DPP10: variants seen among roughly 807,000 people sequenced by gnomAD.
DPP10 encodes dipeptidyl peptidase like 10.
Under a neutral mutation model 120.9 loss-of-function variants are expected in DPP10, and 33 were observed. That is an observed-to-expected ratio of 0.27 (90% CI 0.21 to 0.37). The LOEUF is 0.37. Among genes scored for constraint, DPP10 ranks in the 10% least tolerant of loss-of-function variants. The pLI is 1.00. For synonymous variants in DPP10, 337 were observed against 326.1 expected (o/e 1.03, Z -0.36); for missense variants, 816 against 942.8 (o/e 0.87, Z 1.76).
At chr2:115,690,539 A>G (rs994430869) in intron 7 of DPP10, among the ~76,000 whole-genome samples, 1 of 152,094 alleles carries the variant, frequency 6.6e-6, no homozygotes, top group Non-Finnish European at 1.5e-5. Flanking sequence ...CAGCCTCCTG[A>G]GTACTTGGGA....
rs369182813 is a variant in DPP10, at chr2:115,038,332, G to A, written c.61-270907G>A. ...GTTGCCCAGGCTGGAGTGCAGTGGC[G>A]CCATCTTGGCTCATTGCAAGCTCCG... On this transcript the variant is annotated intron_variant, in intron 1 of 25. Transcript: ENST00000410059. Among the ~76,000 whole-genome samples, 93 of 151,706 alleles carry A rather than the reference G, an allele frequency of 6.1e-4. 1 individual carries two copies. The East Asian group carries it at 7.4e-3, about 12-fold the overall frequency.
intron 1 of DPP10, among the ~76,000 whole-genome samples, chr2:114,991,469 G>T (rs1422347347): frequency 1.3e-5 from 2 of 152,166 alleles, no homozygotes; most frequent in Non-Finnish European, 2.9e-5. Context: ...AGCTACAGAA[G>T]TAAATAATCA....
At chr2:115,421,565 A>G (rs2069958106) in intron 3 of DPP10, among the ~76,000 whole-genome samples, 1 of 152,078 alleles carries the variant, frequency 6.6e-6, no homozygotes, top group Admixed American at 6.6e-5. Flanking sequence ...ATAAATTCGT[A>G]ATATTTTTTA....
At chr2:115,206,972 G>A (rs2056177252) in intron 1 of DPP10, among the ~76,000 whole-genome samples, 1 of 152,174 alleles carries the variant, frequency 6.6e-6, no homozygotes, top group Non-Finnish European at 1.5e-5. Flanking sequence ...AAACCAATAT[G>A]ACTGTATTGG....
chr2:114,446,747 C>G (rs1007279682), intron 1 of DPP10, among the ~76,000 whole-genome samples: 1 of 152,076 alleles, frequency 6.6e-6, no homozygotes. Context: ...ATTTTTACTG[C>G]CTTTTATATT....
At chr2:115,188,233 T>G (rs935837385) in intron 1 of DPP10, among the ~76,000 whole-genome samples, 1 of 152,212 alleles carries the variant, frequency 6.6e-6, no homozygotes, top group African/African-American at 2.4e-5. Flanking sequence ...TTTGTATGCT[T>G]TTCCTTCGTA....
chr2:115,299,781 G>T (rs1481444734), intron 1 of DPP10, among the ~76,000 whole-genome samples: 2 of 151,894 alleles, frequency 1.3e-5, no homozygotes, highest in African/African-American at 4.8e-5. Context: ...GATATCCACA[G>T]ATATTGTTTT....
intron 5 of DPP10, among the ~76,000 whole-genome samples, chr2:115,576,391 T>G (rs1390019695): frequency 6.6e-6 from 1 of 152,198 alleles, no homozygotes; most frequent in Non-Finnish European, 1.5e-5. Flanking sequence ...AAAGTCTTAA[T>G]GAAAAGTCAG....
At chr2:114,614,698 A>G (rs908856177) in intron 1 of DPP10, among the ~76,000 whole-genome samples, 3 of 152,204 alleles carry the variant, frequency 2.0e-5, no homozygotes, top group South Asian at 2.1e-4. Context: ...GGAAGTTCCA[A>G]TAACATTGTG....
At chr2:114,829,366 G>A (rs1222176148) in intron 1 of DPP10, among the ~76,000 whole-genome samples, 1 of 147,046 alleles carries the variant, frequency 6.8e-6, no homozygotes, top group East Asian at 2.0e-4. Context: ...CACATAAGAC[G>A]TTTTTGTCTT....
chr2:115,342,493 C>T (rs1337900823), intron 2 of DPP10, among the ~76,000 whole-genome samples: 6 of 152,118 alleles, frequency 3.9e-5, no homozygotes, highest in African/African-American at 1.4e-4. Flanking sequence ...GGATTACAGG[C>T]ATGCCCCACT....
intron 3 of DPP10, among the ~76,000 whole-genome samples, chr2:115,370,222 A>G: frequency 6.6e-6 from 1 of 152,134 alleles, no homozygotes. Context: ...TGACAGAAAA[A>G]TTGAGAGCTT....
intron 1 of DPP10, among the ~76,000 whole-genome samples, chr2:114,860,252 A>C (rs1264523424): frequency 1.3e-5 from 2 of 152,194 alleles, no homozygotes; most frequent in African/African-American, 4.8e-5. Flanking sequence ...TTTCACATTA[A>C]ATATAACACC....
At chr2:115,760,359 T>A (rs967551426) in intron 11 of DPP10, among the ~76,000 whole-genome samples, 2 of 152,186 alleles carry the variant, frequency 1.3e-5, no homozygotes, top group African/African-American at 4.8e-5. Flanking sequence ...ATTATCTGAT[T>A]TTCTAACACA....
chr2:115,239,984 T>A (rs2058195687), intron 1 of DPP10, among the ~76,000 whole-genome samples: 1 of 152,254 alleles, frequency 6.6e-6, no homozygotes, highest in African/African-American at 2.4e-5. Context: ...TGCCACAGTT[T>A]CTTTATCCAG....
chr2:115,637,225 A>G (rs188575797), intron 5 of DPP10, among the ~76,000 whole-genome samples: 164 of 152,342 alleles, frequency 1.1e-3, no homozygotes, highest in African/African-American at 3.7e-3. Flanking sequence ...AATTATGACT[A>G]TATAAAGCCA....
chr2:114,872,083 T>C (rs1690730303), intron 1 of DPP10, among the ~76,000 whole-genome samples: 1 of 152,122 alleles, frequency 6.6e-6, no homozygotes, highest in Admixed American at 6.5e-5. Context: ...CCATAATAAA[T>C]CATTTGCTTG....
intron 1 of DPP10, among the ~76,000 whole-genome samples, chr2:115,114,618 A>C (rs759761123): frequency 6.6e-6 from 1 of 151,988 alleles, no homozygotes; most frequent in Non-Finnish European, 1.5e-5. Context: ...TCAAGTTCTA[A>C]CTCCACTTAC....
rs183021539 is a variant in DPP10 at position 114,935,360 on chromosome 2, A to G, written c.61-373879A>G. Among the ~76,000 whole-genome samples, 969 of 152,226 alleles carry G rather than the reference A, an allele frequency of 6.4e-3. 6 individuals are homozygous for G. The highest frequency in any genetic ancestry group is 1.0e-2 in the Non-Finnish European group (678 of 68,018). On this transcript the variant is annotated intron_variant, in intron 1 of 25. Transcript: ENST00000410059. ...AAGCCTCTTACCTCCACTTTAGTCC[A>G]AAGTCGGAACTCTTTCTAATTTTCT...
Sources: allele counts gnomAD v4.1 joint callset (sites outside exome capture counted in the v4.1 genomes callset), GRCh38; gene constraint gnomAD v4.1.1; transcripts MANE v1.5; gene names NCBI Gene and HGNC (gene_info 2026-07-23, HGNC 2026-07-21).